Variants in KCNIP4 observed in about 807,000 individuals in gnomAD.
KCNIP4 encodes the protein potassium voltage-gated channel interacting protein 4, also known as Kv channel-interacting protein 4.
Under a neutral mutation model 34.0 loss-of-function variants are expected in KCNIP4, and 12 were observed. That is an observed-to-expected ratio of 0.35 (90% CI 0.23 to 0.57). The LOEUF (loss-of-function observed/expected upper bound fraction) is 0.57. Among genes scored for constraint, KCNIP4 ranks in the 20% least tolerant of loss-of-function variants. The pLI is 0.83. For missense variants in KCNIP4, 238 were observed against 311.7 expected, an observed-to-expected ratio of 0.76 and a Z score of 1.78; for synonymous variants, 124 against 102.2, an observed-to-expected ratio of 1.21 and a Z score of -1.29.
intron 1 of KCNIP4, among the ~76,000 whole-genome samples, chr4:21,797,894 CTATA>C (rs1238344612): frequency 6.6e-6 from 1 of 151,966 alleles, no homozygotes; most frequent in African/African-American, 2.4e-5. Flanking sequence ...CCTAATGTCA[CTATA>C]TATATGAGGC....
intron 1 of KCNIP4, among the ~76,000 whole-genome samples, chr4:21,158,028 T>C (rs1382487969): frequency 1.3e-5 from 2 of 151,570 alleles, no homozygotes; most frequent in African/African-American, 4.8e-5. Context: ...GAGAATAATA[T>C]AGAAACATTG....
At chr4:21,026,677 T>C (rs1252104573) in intron 1 of KCNIP4, among the ~76,000 whole-genome samples, 3 of 151,940 alleles carry the variant, frequency 2.0e-5, no homozygotes, top group African/African-American at 4.8e-5. Context: ...TAAATAAAAA[T>C]AAAATAAAAA....
chr4:21,865,418 G>A (rs1397479099), intron 1 of KCNIP4, among the ~76,000 whole-genome samples: 1 of 151,532 alleles, frequency 6.6e-6, no homozygotes, highest in Admixed American at 6.6e-5. Context: ...AGAGAGAAAA[G>A]GAAAGGAAAG....
At chr4:21,580,489 T>A (rs1156293791) in intron 1 of KCNIP4, among the ~76,000 whole-genome samples, 4 of 152,130 alleles carry the variant, frequency 2.6e-5, no homozygotes, top group Admixed American at 6.5e-5. Flanking sequence ...TTGCTTAATA[T>A]CAGCTAGATA....
chr4:21,561,448 T>C (rs1739478856), intron 1 of KCNIP4, among the ~76,000 whole-genome samples: 1 of 151,982 alleles, frequency 6.6e-6, no homozygotes, highest in Admixed American at 6.6e-5. Flanking sequence ...GACAGACAAC[T>C]CTGTTTGATC....
chr4:20,766,267 G>A (rs1755403902), intron 3 of KCNIP4, among the ~76,000 whole-genome samples: 1 of 152,134 alleles, frequency 6.6e-6, no homozygotes. Context: ...GGAAACTTGA[G>A]AGTTTAAAGC....
chr4:21,079,180 T>G (rs1745786165), intron 1 of KCNIP4, among the ~76,000 whole-genome samples: 1 of 152,124 alleles, frequency 6.6e-6, no homozygotes, highest in South Asian at 2.1e-4. Flanking sequence ...CTCTAGAGAT[T>G]CCAACAAGGC....
intron 1 of KCNIP4, among the ~76,000 whole-genome samples, chr4:21,918,657 T>C (rs1166772620): frequency 6.6e-6 from 1 of 152,024 alleles, no homozygotes; most frequent in African/African-American, 2.4e-5. Context: ...GAAATAACAG[T>C]GGTGCGTTTT....
At chr4:20,731,005 C>CAACA (rs1173519252) in intron 8 of KCNIP4, among the ~76,000 whole-genome samples, 1 of 152,108 alleles carries the variant, frequency 6.6e-6, no homozygotes, top group Non-Finnish European at 1.5e-5. Context: ...AAAGTAAGAA[C>CAACA]AACAATTTAA....
At chr4:21,465,512 C>T (rs969401899) in intron 1 of KCNIP4, among the ~76,000 whole-genome samples, 6 of 152,120 alleles carry the variant, frequency 3.9e-5, no homozygotes, top group Non-Finnish European at 7.3e-5. Context: ...TGTCCTAAGA[C>T]CACCAGTTGC....
intron 1 of KCNIP4, among the ~76,000 whole-genome samples, chr4:21,673,759 T>C (rs1577814612): frequency 6.6e-6 from 1 of 152,208 alleles, no homozygotes; most frequent in Non-Finnish European, 1.5e-5. Flanking sequence ...TCCTGTGTTA[T>C]TCCAAGTAAA....
At chr4:21,042,753 C>T (rs1040893956) in intron 1 of KCNIP4, among the ~76,000 whole-genome samples, 6 of 152,146 alleles carry the variant, frequency 3.9e-5, no homozygotes, top group African/African-American at 1.4e-4. Flanking sequence ...TCGTGCACTA[C>T]TTACACGTTT....
intron 1 of KCNIP4, among the ~76,000 whole-genome samples, chr4:21,919,371 C>G (rs939834779): frequency 6.6e-6 from 1 of 152,110 alleles, no homozygotes; most frequent in Non-Finnish European, 1.5e-5. Context: ...GATAGATAAA[C>G]TGGATGAAAC....
At chr4:21,008,559 T>A (rs1258215146) in intron 1 of KCNIP4, among the ~76,000 whole-genome samples, 1 of 152,092 alleles carries the variant, frequency 6.6e-6, no homozygotes, top group Non-Finnish European at 1.5e-5. Context: ...AGTCTCGCTC[T>A]GTCGCCCAGG....
chr4:20,829,008 G>A (rs1718100214), intron 3 of KCNIP4, among the ~76,000 whole-genome samples: 2 of 152,132 alleles, frequency 1.3e-5, no homozygotes, highest in South Asian at 4.1e-4. Flanking sequence ...CAGTTTTGCT[G>A]GTGATGGCAT....
intron 1 of KCNIP4, among the ~76,000 whole-genome samples, chr4:21,645,736 G>C (rs2109245633): frequency 6.6e-6 from 1 of 152,236 alleles, no homozygotes; most frequent in Middle Eastern, 3.4e-3. Context: ...GGGATGCGCT[G>C]CTCAGATGGG....
At chr4:21,753,093 G>C (rs1472876017) in intron 1 of KCNIP4, among the ~76,000 whole-genome samples, 4 of 152,136 alleles carry the variant, frequency 2.6e-5, no homozygotes, top group African/African-American at 9.7e-5. Flanking sequence ...TTTAGCAACA[G>C]TGAATTGGAA....
chr4:21,273,536 A>G (rs2322883), intron 1 of KCNIP4, among the ~76,000 whole-genome samples: 39,049 of 151,958 alleles, frequency 0.26, 5,199 homozygotes, highest in South Asian at 0.35. Context: ...GGCTTGACTC[A>G]CTCCATAATC....
chr4:21,640,317 T>C (rs1314439282), intron 1 of KCNIP4, among the ~76,000 whole-genome samples: 3 of 152,178 alleles, frequency 2.0e-5, no homozygotes, highest in African/African-American at 7.2e-5. Flanking sequence ...TATTCAGTGG[T>C]AGCAGTTCCC....
Sources: allele counts gnomAD v4.1 joint callset (sites outside exome capture counted in the v4.1 genomes callset), GRCh38; gene constraint gnomAD v4.1.1; transcripts MANE v1.5; gene names NCBI Gene and HGNC (gene_info 2026-07-23, HGNC 2026-07-21).